Variants in SPATA6 observed in about 807,000 individuals in gnomAD.
SPATA6 encodes the protein spermatogenesis-associated protein 6.
Under a neutral mutation model 65.3 loss-of-function variants are expected in SPATA6, and 56 were observed. The ratio of observed to expected loss-of-function variants is 0.86; its 90% confidence interval spans 0.69 to 1.07. SPATA6 has a LOEUF of 1.07. Among genes scored for constraint, SPATA6 ranks in the 50% least tolerant of loss-of-function variants. The pLI, the probability that SPATA6 is intolerant of heterozygous loss-of-function variation, is 0.00. For missense variants in SPATA6, 590 were observed against 594.8 expected (o/e 0.99, Z 0.08); for synonymous variants, 199 against 213.2 (o/e 0.93, Z 0.58).
At chr1:48,340,359 A>G (rs1453345140) in intron 11 of SPATA6, among the ~76,000 whole-genome samples, 1 of 151,398 alleles carries the variant, frequency 6.6e-6, no homozygotes, top group African/African-American at 2.4e-5. Context: ...TAAGTAAGTA[A>G]ATATAAAATA....
intron 3 of SPATA6, among the ~76,000 whole-genome samples, chr1:48,448,823 T>C (rs1179053546): frequency 6.6e-6 from 1 of 152,140 alleles, no homozygotes; most frequent in African/African-American, 2.4e-5. Context: ...TAGATGAAAT[T>C]TCTAGAAATG....
intron 5 of SPATA6, among the ~76,000 whole-genome samples, chr1:48,405,443 T>C (rs192812596): frequency 1.4e-3 from 212 of 152,306 alleles, no homozygotes; most frequent in African/African-American, 4.8e-3. Context: ...TCTCGTGAAA[T>C]TGTGGTCAAG....
chr1:48,280,275 A>G, the SPATA6 span, among the ~76,000 whole-genome samples: 2 of 152,240 alleles, frequency 1.3e-5, no homozygotes, highest in Non-Finnish European at 2.9e-5. Flanking sequence ...TAAAAGAACT[A>G]GAAAAGCAAG....
intron 9 of SPATA6, among the ~76,000 whole-genome samples, chr1:48,376,737 T>C (rs1217939781): frequency 3.3e-5 from 5 of 152,126 alleles, no homozygotes; most frequent in Non-Finnish European, 7.4e-5. Context: ...GCAAACATCA[T>C]AGAGTGTACT....
At chr1:48,409,024 G>A (rs1383017347) in intron 5 of SPATA6, among the ~76,000 whole-genome samples, 2 of 152,080 alleles carry the variant, frequency 1.3e-5, no homozygotes, top group African/African-American at 4.8e-5. Flanking sequence ...CTTCCCAACA[G>A]TCCCCCAAAG....
chr1:48,399,293 G>GT lies in SPATA6; in HGVS notation c.780+57dup, dbSNP rs1650910634. ...AGTTGAAAGATATTTCAGAATAACA[G>GT]TTTTTTTGGGAAAAAAGCTGATCAG... On this transcript the variant is annotated intron_variant, in intron 7 of 12. Coordinates refer to ENST00000371847, the MANE Select transcript of SPATA6 (RefSeq NM_019073.4). 1.3e-5 allele frequency: 20 copies of GT among 1,539,360 alleles called. No individual in the cohort carries two copies. The Admixed American group carries it at 2.3e-4, about 18-fold the overall frequency.
chr1:48,357,023 A>C (rs1010785777), intron 10 of SPATA6, among the ~76,000 whole-genome samples: 58 of 152,294 alleles, frequency 3.8e-4, no homozygotes, highest in Admixed American at 1.1e-3. Flanking sequence ...TCTGAGATCC[A>C]ACTATGCAGC....
chr1:48,458,982 G>A (rs1657210868), intron 1 of SPATA6, among the ~76,000 whole-genome samples: 1 of 151,954 alleles, frequency 6.6e-6, no homozygotes, highest in Admixed American at 6.6e-5. Flanking sequence ...GAGGCAGGTG[G>A]ATCATGAGGT....
rs949150094 is a variant in SPATA6 at position 48,298,089 on chromosome 1, T to C, written c.*624A>G. The C allele has an allele frequency of 6.6e-6, 1 of 152,220 alleles. No homozygotes were observed. Among genetic ancestry groups the C allele is most frequent in the African/African-American group, 2.4e-5 (1 of 41,470 alleles). The allele number at this position is 152,220 out of a possible 1,614,324, so 9.4% of individuals were successfully genotyped here. ...CATCCATGGCACTGATATTTCTAGC[T>C]AACTGCTATGCATTTTAAGCAACTT... On this transcript the variant is annotated 3_prime_UTR_variant, in exon 13 of 13. Transcript: ENST00000371847.
intron 1 of SPATA6, among the ~76,000 whole-genome samples, chr1:48,456,802 G>A (rs1657040282): frequency 1.3e-5 from 2 of 152,128 alleles, no homozygotes; most frequent in South Asian, 4.1e-4. Flanking sequence ...AAGGGAACCT[G>A]AAAATACGTC....
intron 11 of SPATA6, among the ~76,000 whole-genome samples, chr1:48,313,680 A>G (rs2148674796): frequency 6.6e-6 from 1 of 152,342 alleles, no homozygotes; most frequent in East Asian, 1.9e-4. Context: ...ACAGGATCAA[A>G]TTCACACATA....
In SPATA6 at chr1:48,298,764, G is replaced by C. The variant is rs757409063; in HGVS notation, c.1416C>G (p.Asn472Lys). The part of the protein sequence containing the change: ...FENSMDKMYR[N>K]LYKKACSSAS... ...CAGAACTACAGGCCTTTTTGTATAA[G>C]TTCCTGTACATCTTGTCCATGCTGT... Residue 472 changes from asparagine (N) to lysine (K), a missense_variant, in exon 13 of 13, where the codon AAC becomes AAG. By Grantham distance (94) the Asn-to-Lys change is moderately conservative. Coordinates refer to ENST00000371847, the MANE Select transcript of SPATA6 (RefSeq NM_019073.4). 2 of 1,613,916 alleles carry C rather than the reference G, an allele frequency of 1.2e-6. No homozygotes were observed. Among genetic ancestry groups the C allele is most frequent in the Non-Finnish European group, 1.7e-6 (2 of 1,179,908 alleles).
intron 9 of SPATA6, among the ~76,000 whole-genome samples, chr1:48,364,950 T>A (rs1373599829): frequency 6.6e-6 from 1 of 152,240 alleles, no homozygotes; most frequent in Non-Finnish European, 1.5e-5. Context: ...TGTAAGTCTT[T>A]AATCCATCGT....
At chr1:48,309,708 T>C (rs1645152074) in intron 11 of SPATA6, among the ~76,000 whole-genome samples, 1 of 152,218 alleles carries the variant, frequency 6.6e-6, no homozygotes, top group Non-Finnish European at 1.5e-5. Context: ...TTTATTCTAG[T>C]TATTAGCATA....
At chr1:48,315,197 C>T (rs909477291) in intron 11 of SPATA6, among the ~76,000 whole-genome samples, 23 of 152,126 alleles carry the variant, frequency 1.5e-4, no homozygotes, top group Non-Finnish European at 2.5e-4. Flanking sequence ...TTTTATGAGG[C>T]GAGCATCATC....
intron 7 of SPATA6, 61 bp from the exon 8 acceptor site, chr1:48,395,415 A>C: frequency 5.9e-4 from 715 of 1,220,364 alleles, no homozygotes; most frequent in Non-Finnish European, 6.9e-4. Context: ...TTTCAATCTC[A>C]TGGTACCAGA....
chr1:48,311,599 T>C (rs1157443394), intron 11 of SPATA6, among the ~76,000 whole-genome samples: 1 of 152,190 alleles, frequency 6.6e-6, no homozygotes, highest in Non-Finnish European at 1.5e-5. Context: ...GGAGCCAAGA[T>C]AGCTGAATAG....
chr1:48,282,072 A>C, the SPATA6 span, among the ~76,000 whole-genome samples: 1 of 152,352 alleles, frequency 6.6e-6, no homozygotes, highest in East Asian at 1.9e-4. Flanking sequence ...TGACAAAAAC[A>C]AGAAATGGGG....
intron 11 of SPATA6, among the ~76,000 whole-genome samples, chr1:48,333,830 T>G (rs914861793): frequency 3.3e-5 from 5 of 151,704 alleles, no homozygotes; most frequent in South Asian, 4.2e-4. Context: ...TAAAAAAACA[T>G]ACAAAAGATA....
Sources: gnomAD v4.1 joint callset for allele counts (sites outside exome capture counted in the v4.1 genomes callset) on GRCh38, gnomAD v4.1.1 for gene constraint, MANE v1.5 for transcripts, NCBI Gene and HGNC (gene_info 2026-07-23, HGNC 2026-07-21) for gene names.